TMEFF2: variants seen among roughly 807,000 people sequenced by gnomAD.
TMEFF2 encodes transmembrane protein with EGF like and two follistatin like domains 2.
In TMEFF2, 28 loss-of-function variants were observed where a neutral mutation model predicts 53.8. The observed-to-expected ratio is 0.52, with a 90% confidence interval of 0.39 to 0.71. The LOEUF (loss-of-function observed/expected upper bound fraction) is 0.71. Among genes scored for constraint, TMEFF2 ranks in the 30% least tolerant of loss-of-function variants. The pLI is 0.00. For missense variants in TMEFF2, 353 were observed against 455.2 expected (o/e 0.78, Z 2.04); for synonymous variants, 162 against 166.3 (o/e 0.97, Z 0.20).
chr2:192,029,603 GACA>G (rs1310031012), intron 5 of TMEFF2, among the ~76,000 whole-genome samples: 1 of 152,100 alleles, frequency 6.6e-6, no homozygotes, highest in Non-Finnish European at 1.5e-5. Flanking sequence ...TCTAGGCCAG[GACA>G]ACATTTCCCA....
At chr2:192,107,931 AAGAT>A (rs1689188772) in intron 4 of TMEFF2, among the ~76,000 whole-genome samples, 1 of 150,586 alleles carries the variant, frequency 6.6e-6, no homozygotes, top group African/African-American at 2.4e-5. Context: ...ATTCTATACA[AAGAT>A]AGAAACAATA....
chr2:192,055,237 G>A lies in TMEFF2; in HGVS notation c.536+2442C>T, dbSNP rs1456318197. Among the ~76,000 whole-genome samples the A allele has an allele frequency of 2.0e-5, 3 of 152,288 alleles. No homozygotes were observed. In the East Asian group the frequency reaches 5.8e-4, roughly 29 times the overall value. On this transcript the variant is annotated intron_variant, in intron 5 of 9. Transcript: ENST00000272771. ...TACAGAAGAGCCCTAAAGCATTTAG[G>A]AAGGAGAAAGAGTCTTTGAATTAGT...
At chr2:192,050,564 A>G (rs779755296) in intron 5 of TMEFF2, among the ~76,000 whole-genome samples, 3 of 150,432 alleles carry the variant, frequency 2.0e-5, no homozygotes, top group Non-Finnish European at 2.9e-5. Context: ...ATTGTTATTC[A>G]TTTGTCTTCC....
chr2:192,079,196 A>G (rs1480974598), intron 4 of TMEFF2, among the ~76,000 whole-genome samples: 3 of 152,200 alleles, frequency 2.0e-5, no homozygotes, highest in Admixed American at 1.3e-4. Flanking sequence ...TTTTTGCCCA[A>G]TATGAGACTT....
intron 7 of TMEFF2, among the ~76,000 whole-genome samples, chr2:191,994,885 T>C (rs139196223): frequency 6.6e-6 from 1 of 152,082 alleles, no homozygotes; most frequent in African/African-American, 2.4e-5. Context: ...CCAAAGCCCT[T>C]TATTCAAAGC....
intron 6 of TMEFF2, among the ~76,000 whole-genome samples, chr2:191,998,737 T>G (rs1304578229): frequency 6.6e-6 from 1 of 152,008 alleles, no homozygotes; most frequent in Non-Finnish European, 1.5e-5. Flanking sequence ...TCTAATAAAT[T>G]CTTAGATTCG....
At chr2:192,085,353 C>T (rs533315067) in intron 4 of TMEFF2, among the ~76,000 whole-genome samples, 18 of 152,156 alleles carry the variant, frequency 1.2e-4, no homozygotes, top group Non-Finnish European at 2.5e-4. Context: ...GCACATTCGG[C>T]GAGGCCAAAA....
chr2:192,067,274 T>C (rs1290682905), intron 4 of TMEFF2, among the ~76,000 whole-genome samples: 2 of 151,626 alleles, frequency 1.3e-5, no homozygotes, highest in East Asian at 3.9e-4. Context: ...AAAGTAGGGA[T>C]TGGGTTTAGA....
At chr2:192,131,757 C>G (rs545749790) in intron 4 of TMEFF2, among the ~76,000 whole-genome samples, 3 of 152,162 alleles carry the variant, frequency 2.0e-5, no homozygotes, top group Non-Finnish European at 4.4e-5. Context: ...AACTTAAAAC[C>G]TCTTCAACTC....
intron 2 of TMEFF2, among the ~76,000 whole-genome samples, chr2:192,186,144 T>G (rs1225738098): frequency 6.6e-6 from 1 of 152,206 alleles, no homozygotes; most frequent in Admixed American, 6.5e-5. Context: ...AAAACTGATT[T>G]GATTAGAGCT....
intron 7 of TMEFF2, among the ~76,000 whole-genome samples, chr2:191,996,744 G>GTTGA (rs975806590): frequency 1.2e-4 from 18 of 151,726 alleles, no homozygotes; most frequent in African/African-American, 3.9e-4. Context: ...TTAAAAAATT[G>GTTGA]TTGATTTTTT....
chr2:192,049,923 C>G (rs536408042), intron 5 of TMEFF2, among the ~76,000 whole-genome samples: 1 of 152,246 alleles, frequency 6.6e-6, no homozygotes, highest in African/African-American at 2.4e-5. Flanking sequence ...ATGGTGTGAA[C>G]CTGGAAGGCG....
intron 3 of TMEFF2, among the ~76,000 whole-genome samples, chr2:192,183,527 T>G (rs1691238929): frequency 6.6e-6 from 1 of 152,106 alleles, no homozygotes; most frequent in Non-Finnish European, 1.5e-5. Flanking sequence ...ATCCAAATTC[T>G]CAGGAATTAT....
intron 4 of TMEFF2, among the ~76,000 whole-genome samples, chr2:192,067,620 A>G (rs1688196834): frequency 6.6e-6 from 1 of 151,820 alleles, no homozygotes; most frequent in Admixed American, 6.6e-5. Context: ...ATGAATAAAG[A>G]TGTATCTTTA....
chr2:191,987,437 C>T (rs1363734612), intron 7 of TMEFF2, among the ~76,000 whole-genome samples: 3 of 151,152 alleles, frequency 2.0e-5, no homozygotes, highest in East Asian at 1.9e-4. Context: ...GACAGAGTCT[C>T]ACTCTGTTAT....
intron 4 of TMEFF2, among the ~76,000 whole-genome samples, chr2:192,145,549 A>G (rs1257861701): frequency 1.5e-5 from 2 of 135,592 alleles, no homozygotes; most frequent in Non-Finnish European, 3.4e-5. Context: ...TGTCCACTAC[A>G]TGATAAAAAA....
chr2:192,062,648 G>A (rs532307343), intron 4 of TMEFF2, among the ~76,000 whole-genome samples: 1 of 152,178 alleles, frequency 6.6e-6, no homozygotes, highest in South Asian at 2.1e-4. Flanking sequence ...AGATATATGT[G>A]TTGCAATATT....
chr2:192,015,338 TCTGGTA>T (rs1397822713), intron 5 of TMEFF2, among the ~76,000 whole-genome samples: 1 of 113,504 alleles, frequency 8.8e-6, no homozygotes, highest in Non-Finnish European at 1.7e-5. Context: ...TTTTTGCCAG[TCTGGTA>T]ATGACTAAAA....
At chr2:192,077,598 CT>C (rs1301776582) in intron 4 of TMEFF2, among the ~76,000 whole-genome samples, 1 of 151,904 alleles carries the variant, frequency 6.6e-6, no homozygotes, top group Admixed American at 6.6e-5. Context: ...CCAAGGGTGT[CT>C]TTCTTCTACT....
Sources: allele counts gnomAD v4.1 joint callset (sites outside exome capture counted in the v4.1 genomes callset), GRCh38; gene constraint gnomAD v4.1.1; transcripts MANE v1.5; gene names NCBI Gene and HGNC (gene_info 2026-07-23, HGNC 2026-07-21).